AXIN2: variants seen among roughly 807,000 people sequenced by gnomAD.
AXIN2 encodes the protein axin-2.
AXIN2 carries 21 observed loss-of-function variants against 74.7 expected under a neutral mutation model. The observed-to-expected ratio is 0.28, with a 90% CI of 0.20 to 0.40. The LOEUF (loss-of-function observed/expected upper bound fraction) is 0.40, where lower values mean the gene tolerates loss of function less well. AXIN2 is among the 10% of genes least tolerant of loss of function. AXIN2 has a pLI of 1.00. For synonymous variants in AXIN2, 532 were observed against 454.9 expected, an observed-to-expected ratio of 1.17 and a Z score of -2.16; for missense variants, 1,144 against 1,111.1, an observed-to-expected ratio of 1.03 and a Z score of -0.42.
At chr17:65,536,739 T>G in intron 7 of AXIN2, 130 bp downstream of exon 7, 1 of 1,464,062 alleles carries the variant, frequency 6.8e-7, no homozygotes, top group Non-Finnish European at 9.5e-7. Flanking sequence ...GTCCAACGTT[T>G]AATATTAAGA....
intron 2 of AXIN2, among the ~76,000 whole-genome samples, chr17:65,551,667 T>A (rs2044195566): frequency 6.6e-6 from 1 of 152,100 alleles, no homozygotes; most frequent in Non-Finnish European, 1.5e-5. Flanking sequence ...TCTCTGCCTT[T>A]AAGGAGTTTG....
chr17:65,536,002 T>C (rs2043906584), intron 8 of AXIN2, among the ~76,000 whole-genome samples: 2 of 152,178 alleles, frequency 1.3e-5, no homozygotes, highest in Admixed American at 1.3e-4. Context: ...GCTTCTTATA[T>C]ACTCAACTAA....
chr17:65,530,095 A>C lies in AXIN2; in HGVS notation c.2413T>G (p.Phe805Val). 1 of 1,614,208 alleles carries C rather than the reference A, an allele frequency of 6.2e-7. No individual in the cohort carries two copies. The highest frequency in any genetic ancestry group is 8.5e-7 in the Non-Finnish European group (1 of 1,180,022). The change falls in exon 11 of 11, where the codon TTC becomes GTC. Residue 805 changes from phenylalanine (F) to valine (V), a missense_variant. Physicochemically the swap from Phe to Val is conservative, Grantham distance 50. This residue lies in a region of AXIN2 where 65 missense variants were observed against 95.7 expected (regional missense o/e 0.68). Transcript: ENST00000307078. ...GCAAACTCATCGCTTGCTTTTTTGA[A>C]GTAATACCTTAAAAGGAAAACCAAA... is the stretch of plus-strand genomic sequence containing the variant. ...LSKKGNYRYY[F>V]KKASDEFACG...
At chr17:65,530,445 G>C (rs981000810) in intron 10 of AXIN2, among the ~76,000 whole-genome samples, 1 of 152,180 alleles carries the variant, frequency 6.6e-6, no homozygotes, top group South Asian at 2.1e-4. Flanking sequence ...GCAGTGGGGT[G>C]GGGGAGGGAA....
At chr17:65,558,800 G>A (rs2044317374) in intron 1 of AXIN2, 64 bp from the exon 2 acceptor site, 2 of 654,890 alleles carry the variant, frequency 3.1e-6, no homozygotes, top group Non-Finnish European at 5.3e-6. Context: ...ATCAAAACCA[G>A]ATCTACCCAA....
chr17:65,531,396 A>G (rs2043814188), intron 10 of AXIN2, among the ~76,000 whole-genome samples: 1 of 151,744 alleles, frequency 6.6e-6, no homozygotes, highest in Non-Finnish European at 1.5e-5. Context: ...AGCACTGAAG[A>G]CACGTCATGT....
At chr17:65,552,961 A>G (rs111455863) in intron 2 of AXIN2, among the ~76,000 whole-genome samples, 5,558 of 152,076 alleles carry the variant, frequency 0.037, 331 homozygotes, top group African/African-American at 0.13. Context: ...CCGGGAGGCA[A>G]AGGTTGTGGT....
chr17:65,534,163 A>C, intron 9 of AXIN2, 84 bp from the exon 10 acceptor site: 1 of 1,502,934 alleles, frequency 6.7e-7, no homozygotes, highest in Non-Finnish European at 9.3e-7. Flanking sequence ...GCACATGTGC[A>C]TAAGTGACAG....
intron 1 of AXIN2, 50 bp from the exon 2 acceptor site, chr17:65,558,786 TC>T: frequency 1.4e-6 from 1 of 719,670 alleles, no homozygotes; most frequent in Non-Finnish European, 2.4e-6. Flanking sequence ...AGGGTATTGA[TC>T]TAATCAAAAC....
At chr17:65,530,303 G>A (rs2043795624) in intron 10 of AXIN2, among the ~76,000 whole-genome samples, 1 of 152,196 alleles carries the variant, frequency 6.6e-6, no homozygotes, top group South Asian at 2.1e-4. Context: ...AGATGATGAA[G>A]GCCAGGCACC....
intron 4 of AXIN2, 22 bp downstream of exon 4, chr17:65,541,432 TC>T: frequency 6.3e-7 from 1 of 1,590,296 alleles, no homozygotes; most frequent in Non-Finnish European, 8.6e-7. Flanking sequence ...AACAGCTGTC[TC>T]CTCACTCCAG....
At position 65,533,787 on chromosome 17, in the gene AXIN2, C is replaced by A. The variant is rs58015273; in HGVS notation, c.2405+125G>T. On this transcript the variant is annotated intron_variant, in intron 10 of 10. Transcript: ENST00000307078. ...GAAATGAGAAGGGAGCCTCCCCCAG[C>A]GCCTGCTGAGCCCCCTCCCACCCTG... 33,958 of 1,012,060 alleles carry A rather than the reference C, an allele frequency of 0.034. 2,066 individuals carry two copies. Among genetic ancestry groups the A allele is most frequent in the East Asian group, 0.19 (5,426 of 28,230 alleles). The allele number at this position is 1,012,060 out of a possible 1,614,324, so 62.7% of individuals were successfully genotyped here. A position where few individuals can be genotyped will look rare whatever the true frequency, so the allele number is the denominator to read the frequency against.
rs563864085 is a variant in AXIN2, at chr17:65,542,947, C to G, written c.957-1390G>C. ...GGGCAAGCCAGGAGTAACTAGTCAA[C>G]CTCTAGCTCCTTATCTGAAATGCCC... On this transcript the variant is annotated intron_variant, in intron 3 of 10. Transcript: ENST00000307078. 2.6e-5 allele frequency among the ~76,000 whole-genome samples: 4 copies of G among 152,312 alleles called. No homozygotes were observed. In the South Asian group the frequency reaches 8.3e-4, roughly 32 times the overall value.
chr17:65,532,862 T>C (rs1020310667), intron 10 of AXIN2, among the ~76,000 whole-genome samples: 2 of 152,242 alleles, frequency 1.3e-5, no homozygotes, highest in Non-Finnish European at 2.9e-5. Context: ...GAACTCTGTC[T>C]TGGGTGTAGA....
rs1411991493 is a variant in AXIN2 at position 65,538,188 on chromosome 17, C to T, written c.1200+15G>A. ...GCCGTGGACGGAAGCAGGAAGAAGG[C>T]CTAGGCCGCATTACCTCTCGGATCT... On this transcript the variant is annotated intron_variant, in intron 5 of 10. Coordinates refer to ENST00000307078, the MANE Select transcript of AXIN2 (RefSeq NM_004655.4). 2.5e-6 allele frequency: 4 copies of T among 1,614,112 alleles called. No homozygotes were observed. The highest frequency in any genetic ancestry group is 3.4e-6 in the Non-Finnish European group (4 of 1,180,040).
chr17:65,531,625 C>A (rs1449818690), intron 10 of AXIN2, among the ~76,000 whole-genome samples: 2 of 152,116 alleles, frequency 1.3e-5, no homozygotes, highest in Admixed American at 6.5e-5. Flanking sequence ...AGCAAACACG[C>A]AGCGACCTTT....
chr17:65,535,519 A>G lies in AXIN2; in HGVS notation c.2237+107T>C, dbSNP rs938958827. ...CATCACTAGCGCTAAAATCAAAGTGATTTTAAAAACCAAAAAAAGTTTCAT... is the reference window on the plus strand; with the variant it reads ...CATCACTAGCGCTAAAATCAAAGTGGTTTTAAAAACCAAAAAAAGTTTCAT... On this transcript the variant is annotated intron_variant, in intron 9 of 10. Transcript: ENST00000307078. 3 of 1,103,420 alleles carry G rather than the reference A, an allele frequency of 2.7e-6. No individual in the cohort carries two copies. The African/African-American group carries it at 4.6e-5, about 17-fold the overall frequency. The allele number at this position is 1,103,420 out of a possible 1,614,324, so 68.4% of individuals were successfully genotyped here.
chr17:65,545,289 A>T (rs2044102550), intron 3 of AXIN2, among the ~76,000 whole-genome samples: 1 of 151,822 alleles, frequency 6.6e-6, no homozygotes, highest in Admixed American at 6.6e-5. Context: ...TGACATTTTC[A>T]CCCTCTTTAC....
intron 2 of AXIN2, among the ~76,000 whole-genome samples, chr17:65,551,518 C>T (rs1350548387): frequency 6.6e-6 from 1 of 152,074 alleles, no homozygotes; most frequent in African/African-American, 2.4e-5. Flanking sequence ...CACATAGGAT[C>T]CAAGGTCTGT....
Sources: gnomAD v4.1 joint callset for allele counts (sites outside exome capture counted in the v4.1 genomes callset) on GRCh38, gnomAD v4.1.1 for gene constraint, gnomAD v4.1.1 regional missense constraint, MANE v1.5 for transcripts, NCBI Gene and HGNC (gene_info 2026-07-23, HGNC 2026-07-21) for gene names.